The following PGLYRP4 variants were observed in gnomAD, a reference collection of about 807,000 sequenced individuals.
PGLYRP4 encodes the protein PGRP-I-beta.
Under a neutral mutation model 41.2 loss-of-function variants are expected in PGLYRP4, and 39 were observed. That is an observed-to-expected ratio of 0.95 (90% CI 0.73 to 1.24). PGLYRP4 has a LOEUF of 1.24. PGLYRP4 is among the 50% of genes most tolerant of loss of function. The pLI is 0.00. For synonymous variants in PGLYRP4, 202 were observed against 186.8 expected (o/e 1.08, Z -0.66); for missense variants, 467 against 460.7 (o/e 1.01, Z -0.13).
intron 4 of PGLYRP4, among the ~76,000 whole-genome samples, chr1:153,344,014 G>C (rs923369587): frequency 6.6e-6 from 1 of 152,066 alleles, no homozygotes; most frequent in African/African-American, 2.4e-5. Context: ...GGGCGGTGGG[G>C]ATATGCCTGC....
chr1:153,335,907 C>T (rs972039247), intron 8 of PGLYRP4, among the ~76,000 whole-genome samples: 1 of 151,888 alleles, frequency 6.6e-6, no homozygotes, highest in South Asian at 2.1e-4. Context: ...AGTATCAACC[C>T]AAAGAAAAAG....
At chr1:153,336,111 G>C (rs946587334) in intron 8 of PGLYRP4, among the ~76,000 whole-genome samples, 3 of 151,732 alleles carry the variant, frequency 2.0e-5, no homozygotes, top group African/African-American at 7.3e-5. Context: ...AAATGAAATC[G>C]TGGCATGGTG....
At chr1:153,339,258 G>C (rs1433711760) in intron 7 of PGLYRP4, among the ~76,000 whole-genome samples, 1 of 152,192 alleles carries the variant, frequency 6.6e-6, no homozygotes, top group Non-Finnish European at 1.5e-5. Flanking sequence ...TCTTATTAAA[G>C]ACAGCAACGC....
intron 4 of PGLYRP4, 134 bp from the exon 5 acceptor site, chr1:153,343,342 C>A: frequency 1.6e-6 from 1 of 637,948 alleles, no homozygotes; most frequent in Non-Finnish European, 2.8e-6. Flanking sequence ...TGAACTCTTC[C>A]CAGACATTGA....
chr1:153,330,664 G>C lies in PGLYRP4; in HGVS notation c.*103C>G, dbSNP rs1226468249. The C allele has an allele frequency of 3.3e-6, 3 of 911,854 alleles. No homozygotes were observed. Among genetic ancestry groups the C allele is most frequent in the Non-Finnish European group, 5.2e-6 (3 of 576,494 alleles). The allele number at this position is 911,854 out of a possible 1,614,324, so 56.5% of individuals were successfully genotyped here. On this transcript the variant is annotated 3_prime_UTR_variant, in exon 9 of 9. Transcript: ENST00000359650. ...TGAAAAAGGAGGCACAGGACTGTGT[G>C]GCAGGGGAGGAGGGCAAAAGGTGTT...
chr1:153,330,595 G>T lies in PGLYRP4; in HGVS notation c.*172C>A. ...GAATGTCCAGCTATGAGGTTTGGAGGCCCTTGGAGGATGTTGGCAGGAGAG... is the reference window on the plus strand; with the variant it reads ...GAATGTCCAGCTATGAGGTTTGGAGTCCCTTGGAGGATGTTGGCAGGAGAG... On this transcript the variant is annotated 3_prime_UTR_variant, in exon 9 of 9. Coordinates refer to ENST00000359650, the MANE Select transcript of PGLYRP4 (RefSeq NM_020393.4). 1 of 513,580 alleles carries T rather than the reference G, an allele frequency of 1.9e-6. No homozygotes were observed. The highest frequency in any genetic ancestry group is 3.6e-6 in the Non-Finnish European group (1 of 280,346). The allele number at this position is 513,580 out of a possible 1,614,324, so 31.8% of individuals were successfully genotyped here. A position where few individuals can be genotyped will look rare whatever the true frequency, so the allele number is the denominator to read the frequency against.
chr1:153,345,183 A>G lies in PGLYRP4; in HGVS notation c.339T>C (p.Cys113=). ...CCAGCTCTTACTTGTAGGCCACATC[A>G]CACCCACTGTTGTTGTGGACATGAT... The part of the protein sequence containing the change: ...QAHHVHNNSG[C]DVAYNFLVGD... The change falls in exon 4 of 9, where the codon TGT becomes TGC. Residue 113 remains cysteine (C), a synonymous_variant. Coordinates refer to ENST00000359650, the MANE Select transcript of PGLYRP4 (RefSeq NM_020393.4). The G allele has an allele frequency of 6.2e-7, 1 of 1,611,266 alleles. No individual in the cohort carries two copies. Among genetic ancestry groups the G allele is most frequent in the Non-Finnish European group, 8.5e-7 (1 of 1,179,044 alleles).
Position 153,330,382 on chromosome 1 carries a change from G to A in PGLYRP4, c.*385C>T, listed in dbSNP as rs1660282306. 1 of 168,452 alleles carries A rather than the reference G, an allele frequency of 5.9e-6. No individual in the cohort carries two copies. The highest frequency in any genetic ancestry group is 2.4e-5 in the African/African-American group (1 of 42,424). The allele number at this position is 168,452 out of a possible 1,614,324, so 10.4% of individuals were successfully genotyped here. On this transcript the variant is annotated 3_prime_UTR_variant, in exon 9 of 9. Coordinates refer to ENST00000359650, the MANE Select transcript of PGLYRP4 (RefSeq NM_020393.4). ...ACGTTGACCTGAGTTATGGGTGAGG[G>A]GTGATAGGTGGGAGGTGGGGGCTGC...
rs934643584 is a variant in PGLYRP4, at chr1:153,330,577, C to T, written c.*190G>A. 2.2e-6 allele frequency: 1 copy of T among 454,980 alleles called. No homozygotes were observed. The highest frequency in any genetic ancestry group is 1.9e-5 in the African/African-American group (1 of 51,738). 28.2% of individuals were successfully genotyped at this position (454,980 alleles called of 1,614,324 possible). ...TCAGACTCAGAGGGCTGTGAATGTC[C>T]AGCTATGAGGTTTGGAGGCCCTTGG... On this transcript the variant is annotated 3_prime_UTR_variant, in exon 9 of 9. Transcript: ENST00000359650.
At chr1:153,338,038 T>A (rs567686949) in intron 7 of PGLYRP4, among the ~76,000 whole-genome samples, 7 of 152,294 alleles carry the variant, frequency 4.6e-5, no homozygotes, top group Admixed American at 1.3e-4. Flanking sequence ...CACACAGGAC[T>A]AACCCATCCA....
chr1:153,340,146 G>A (rs535330661), intron 7 of PGLYRP4, among the ~76,000 whole-genome samples: 1 of 152,224 alleles, frequency 6.6e-6, no homozygotes, highest in Non-Finnish European at 1.5e-5. Flanking sequence ...TCATGCCAGT[G>A]TACTACCTTT....
chr1:153,343,307 C>T, intron 4 of PGLYRP4, 99 bp from the exon 5 acceptor site: 1 of 774,730 alleles, frequency 1.3e-6, no homozygotes, highest in Non-Finnish European at 2.2e-6. Flanking sequence ...AGGACTGAAG[C>T]TATGTTCACT....
At position 153,347,011 on chromosome 1, in the gene PGLYRP4, C is replaced by T. The variant is rs143461308; in HGVS notation, c.50-820G>A. Among the ~76,000 whole-genome samples, 617 of 152,294 alleles carry T rather than the reference C, an allele frequency of 4.1e-3. 4 individuals carry two copies. Among genetic ancestry groups the T allele is most frequent in the African/African-American group, 0.014 (592 of 41,554 alleles). On this transcript the variant is annotated intron_variant, in intron 2 of 8. Transcript: ENST00000359650. ...GGCTCCAAGTTCTGTGCTCTATGTA[C>T]AATCTATTCTTTCTCCTTAAGAGAG...
intron 8 of PGLYRP4, among the ~76,000 whole-genome samples, chr1:153,336,190 A>T (rs1660552266): frequency 6.6e-6 from 1 of 151,596 alleles, no homozygotes; most frequent in South Asian, 2.1e-4. Flanking sequence ...GGCCAACATG[A>T]TGAAAGCCTG....
chr1:153,346,190 A>G lies in PGLYRP4; in HGVS notation c.51T>C (p.Gly17=). 1 of 1,612,292 alleles carries G rather than the reference A, an allele frequency of 6.2e-7. No individual in the cohort carries two copies. The highest frequency in any genetic ancestry group is 8.5e-7 in the Non-Finnish European group (1 of 1,178,310). Residue 17 remains glycine (G), a splice_region_variant and synonymous_variant, in exon 3 of 9, where the codon GGT becomes GGC. Coordinates refer to ENST00000359650, the MANE Select transcript of PGLYRP4 (RefSeq NM_020393.4). ...CTTGTGTTTTGTTCCAGGAGGAATC[A>G]CCTGCAAAGGAATATCCCATTTTGC... ...VFSALGIQAW[G]DSSWNKTQAK...
Position 153,337,200 on chromosome 1 carries a change from G to A in PGLYRP4, c.924C>T (p.Thr308=). ...PGYDDIALGI[T]FMGTFTGIPP... is the part of the protein sequence containing the mutation. Reference sequence around the variant, plus strand: ...ACTTACCTGTGAAGGTGCCCATGAAGGTAATGCCCAGGGCAATGTCATCGT... The same window carrying A: ...ACTTACCTGTGAAGGTGCCCATGAAAGTAATGCCCAGGGCAATGTCATCGT... The change falls in exon 8 of 9, where the codon ACC becomes ACT. Residue 308 remains threonine, a synonymous_variant. Coordinates refer to ENST00000359650, the MANE Select transcript of PGLYRP4 (RefSeq NM_020393.4). 6.2e-7 allele frequency: 1 copy of A among 1,611,424 alleles called. No individual in the cohort carries two copies. Among genetic ancestry groups the A allele is most frequent in the South Asian group, 1.1e-5 (1 of 90,978 alleles).
In PGLYRP4 at chr1:153,337,336, A is replaced by G. The variant is rs202047970; in HGVS notation, c.825-37T>C. ...CAAGGGGAGATGGAGACCAGCATGA[A>G]ATTCTGGAATTGTTTCTCTCTTTCA... is the stretch of plus-strand genomic sequence containing the variant. On this transcript the variant is annotated intron_variant, in intron 7 of 8. Coordinates refer to ENST00000359650, the MANE Select transcript of PGLYRP4 (RefSeq NM_020393.4). 8.5e-4 allele frequency: 1,035 copies of G among 1,218,592 alleles called. 1 individual carries two copies. Among genetic ancestry groups the G allele is most frequent in the Middle Eastern group, 4.4e-3 (22 of 5,024 alleles). The allele number at this position is 1,218,592 out of a possible 1,614,324, so 75.5% of individuals were successfully genotyped here.
chr1:153,339,195 A>G (rs1223774269), intron 7 of PGLYRP4, among the ~76,000 whole-genome samples: 1 of 152,226 alleles, frequency 6.6e-6, no homozygotes, highest in Non-Finnish European at 1.5e-5. Context: ...CTCAGCCTCC[A>G]CCACTTTCCA....
chr1:153,335,248 G>A (rs948110235), intron 8 of PGLYRP4, among the ~76,000 whole-genome samples: 4 of 152,216 alleles, frequency 2.6e-5, no homozygotes, highest in African/African-American at 9.6e-5. Context: ...AATCAACAGA[G>A]TAAACAGACA....
Sources: gnomAD v4.1 joint callset for allele counts (sites outside exome capture counted in the v4.1 genomes callset) on GRCh38, gnomAD v4.1.1 for gene constraint, MANE v1.5 for transcripts, NCBI Gene and HGNC (gene_info 2026-07-23, HGNC 2026-07-21) for gene names.